The following CDH23 variants were observed in gnomAD, a reference collection of about 807,000 sequenced individuals.
CDH23 encodes cadherin related 23.
Under a neutral mutation model 317.1 loss-of-function variants are expected in CDH23, and 189 were observed. That is an observed-to-expected ratio of 0.60 (90% CI 0.53 to 0.67). The LOEUF (loss-of-function observed/expected upper bound fraction) is 0.67. CDH23 is among the 30% of genes least tolerant of loss of function. The pLI is 0.00. For synonymous variants in CDH23, 1,839 were observed against 1,876.8 expected (o/e 0.98, Z 0.52); for missense variants, 4,401 against 4,592.4 (o/e 0.96, Z 1.20).
intron 3 of CDH23, among the ~76,000 whole-genome samples, chr10:71,473,074 G>A (rs1281657529): frequency 6.6e-6 from 1 of 152,154 alleles, no homozygotes; most frequent in Non-Finnish European, 1.5e-5. Flanking sequence ...CCCATCTGCC[G>A]AGTCCTCTCC....
intron 11 of CDH23, among the ~76,000 whole-genome samples, chr10:71,626,501 G>C (rs536638563): frequency 6.6e-6 from 1 of 152,286 alleles, no homozygotes; most frequent in East Asian, 1.9e-4. Context: ...CCCCAGAAAT[G>C]TACACCCCAG....
At chr10:71,430,214 G>C (rs1849304402) in intron 1 of CDH23, among the ~76,000 whole-genome samples, 1 of 151,996 alleles carries the variant, frequency 6.6e-6, no homozygotes, top group Admixed American at 6.6e-5. Flanking sequence ...AGCTGACTTT[G>C]ATCACTCCAT....
At chr10:71,755,418 A>G in intron 38 of CDH23, 1 of 1,613,538 alleles carries the variant, frequency 6.2e-7, no homozygotes, top group South Asian at 1.1e-5. Flanking sequence ...GGGGAGGCAG[A>G]GGATTCCTAC....
chr10:71,790,606 G>A (rs1328817291), intron 46 of CDH23, 193 bp downstream of exon 46: 2 of 694,358 alleles, frequency 2.9e-6, no homozygotes, highest in Non-Finnish European at 2.3e-6. Flanking sequence ...CGTGGGAAGA[G>A]GCTTGGAGAC....
chr10:71,602,225 G>A (rs982910180), intron 9 of CDH23, among the ~76,000 whole-genome samples: 5 of 152,126 alleles, frequency 3.3e-5, no homozygotes, highest in Non-Finnish European at 7.4e-5. Flanking sequence ...CACTTGGGGC[G>A]GGAGGGCAGG....
intron 2 of CDH23, among the ~76,000 whole-genome samples, chr10:71,440,152 GC>G (rs1849806676): frequency 6.6e-6 from 1 of 152,198 alleles, no homozygotes; most frequent in Non-Finnish European, 1.5e-5. Flanking sequence ...AAATACTTGA[GC>G]TCTAAGGGAA....
At chr10:71,536,334 A>G (rs1190201572) in intron 6 of CDH23, among the ~76,000 whole-genome samples, 1 of 152,174 alleles carries the variant, frequency 6.6e-6, no homozygotes, top group Non-Finnish European at 1.5e-5. Context: ...GTTTGGTCTG[A>G]CTGGGGCTAG....
At chr10:71,799,456 T>A in intron 51 of CDH23, 36 bp from the exon 52 acceptor site, 3 of 1,613,610 alleles carry the variant, frequency 1.9e-6, no homozygotes, top group Non-Finnish European at 8.5e-7. Context: ...GGGACTGACC[T>A]TGGCCTACTC....
chr10:71,742,565 G>T (rs1839766251), intron 38 of CDH23, among the ~76,000 whole-genome samples: 2 of 152,228 alleles, frequency 1.3e-5, no homozygotes, highest in South Asian at 4.1e-4. Context: ...TAAACTGAAA[G>T]CAGGGAATTT....
At chr10:71,559,105 C>G (rs1857003305) in intron 6 of CDH23, among the ~76,000 whole-genome samples, 1 of 152,188 alleles carries the variant, frequency 6.6e-6, no homozygotes. Flanking sequence ...GTCTCCGGGT[C>G]CTGAGCTTTT....
At chr10:71,634,062 G>A (rs1239024100) in intron 11 of CDH23, among the ~76,000 whole-genome samples, 3 of 152,262 alleles carry the variant, frequency 2.0e-5, no homozygotes, top group Admixed American at 6.5e-5. Context: ...ATAGGAAATA[G>A]CCAGAGCCAG....
chr10:71,813,116 C>T (rs1176566344), intron 68 of CDH23, 128 bp from the exon 69 acceptor site: 8 of 1,115,294 alleles, frequency 7.2e-6, no homozygotes, highest in Admixed American at 4.2e-5. Flanking sequence ...CAGGCTCTGC[C>T]GCTGATCCTC....
chr10:71,682,689 G>A (rs959671986), intron 18 of CDH23, 117 bp downstream of exon 18: 3 of 1,333,406 alleles, frequency 2.2e-6, no homozygotes, highest in African/African-American at 2.9e-5. Context: ...CTGCACCTTG[G>A]GGAGTTTACC....
At chr10:71,580,519 G>C (rs1858547715) in intron 9 of CDH23, among the ~76,000 whole-genome samples, 2 of 152,242 alleles carry the variant, frequency 1.3e-5, no homozygotes, top group African/African-American at 4.8e-5. Context: ...TCACATGCCA[G>C]CTTTGATTGA....
rs1045895966 is a variant in CDH23, at chr10:71,687,813, A to G, written c.2059+94A>G. 64 of 1,169,388 alleles carry G rather than the reference A, an allele frequency of 5.5e-5. No individual in the cohort carries two copies. The African/African-American group carries it at 9.1e-4, about 17-fold the overall frequency. 72.4% of individuals were successfully genotyped at this position (1,169,388 alleles called of 1,614,324 possible). On this transcript the variant is annotated intron_variant, in intron 19 of 69. Coordinates refer to ENST00000224721, the MANE Select transcript of CDH23 (RefSeq NM_022124.6). ...GTGCAGACCCCGGCTCTGCACACAA[A>G]TTGTGGGAGGTCCATGGCCTTCTCT... is the stretch of plus-strand genomic sequence containing the variant.
rs147742949 is a variant in CDH23 at position 71,409,859 on chromosome 10, G to A, written c.-6+12541G>A. On this transcript the variant is annotated intron_variant, in intron 1 of 69. Transcript: ENST00000224721. The stretch of plus-strand genomic sequence containing the variant: ...CTTTCAGGAGGGTACACACCTCATC[G>A]CTGTCCACAGACACACTGGCCTGCC... 5.5e-3 allele frequency among the ~76,000 whole-genome samples: 837 copies of A among 152,224 alleles called. 7 individuals carry two copies. Among genetic ancestry groups the A allele is most frequent in the African/African-American group, 0.019 (807 of 41,524 alleles).
intron 47 of CDH23, among the ~76,000 whole-genome samples, chr10:71,791,579 CTT>C (rs536597476): frequency 4.8e-5 from 7 of 144,510 alleles, no homozygotes; most frequent in African/African-American, 1.0e-4. Context: ...CTTTTCTTTT[CTT>C]TTTTTTTTTT....
At position 71,515,357 on chromosome 10, in the gene CDH23, T is replaced by TTC. The variant is rs3059687; in HGVS notation, c.429+4182_429+4183dup. 4.9e-3 allele frequency among the ~76,000 whole-genome samples: 619 copies of TTC among 126,242 alleles called. 3 individuals are homozygous for TTC. Among genetic ancestry groups the TTC allele is most frequent in the African/African-American group, 0.013 (397 of 29,956 alleles). The allele number at this position is 126,242 out of a possible 152,430, so 82.8% of individuals were successfully genotyped here. On this transcript the variant is annotated intron_variant, in intron 6 of 69. Transcript: ENST00000224721. ...TCAATGGCAATGGATACCTGTCTGT[T>TTC]TCTCTCTCTCTCTCTCTCTCTCTCT...
intron 3 of CDH23, among the ~76,000 whole-genome samples, chr10:71,449,164 G>A (rs1347807792): frequency 6.6e-6 from 1 of 152,210 alleles, no homozygotes; most frequent in Non-Finnish European, 1.5e-5. Flanking sequence ...GGCAGATTGG[G>A]CTGTCCTACA....
Sources: allele counts gnomAD v4.1 joint callset (sites outside exome capture counted in the v4.1 genomes callset), GRCh38; gene constraint gnomAD v4.1.1; transcripts MANE v1.5; gene names NCBI Gene and HGNC (gene_info 2026-07-23, HGNC 2026-07-21).